The following CIRSR variants were observed in gnomAD, a reference collection of about 807,000 sequenced individuals.
CIRSR encodes the protein CBF1 (RBPJ) interacting corepressor 1.
the CIRSR span, among the ~76,000 whole-genome samples, chr2:174,366,908 A>C: frequency 2.0e-5 from 3 of 152,330 alleles, no homozygotes; most frequent in East Asian, 5.8e-4. Context: ...ACTGTGGCAT[A>C]CATACAAAAG....
At chr2:174,395,458 A>T in the CIRSR span, 1 of 1,246,078 alleles carries the variant, frequency 8.0e-7, no homozygotes, top group South Asian at 1.2e-5. Context: ...AGGCTGTCCT[A>T]GGGATCTCAG....
the CIRSR span, among the ~76,000 whole-genome samples, chr2:174,362,715 A>AAT: frequency 1.3e-5 from 1 of 78,544 alleles, no homozygotes; most frequent in Non-Finnish European, 3.3e-5. Context: ...AAAAAAAAAA[A>AAT]TCTTACATTT....
the CIRSR span, chr2:174,350,790 G>C: frequency 3.0e-6 from 4 of 1,339,086 alleles, no homozygotes; most frequent in Non-Finnish European, 4.2e-6. Context: ...TTCAACACAA[G>C]GTAGTTAGTA....
the CIRSR span, chr2:174,380,588 G>C: frequency 7.1e-7 from 1 of 1,400,608 alleles, no homozygotes; most frequent in South Asian, 1.2e-5. Context: ...AACATAAGAT[G>C]GGATATCAGT....
chr2:174,354,618 T>A, the CIRSR span, among the ~76,000 whole-genome samples: 56 of 71,216 alleles, frequency 7.9e-4, no homozygotes, highest in South Asian at 1.7e-3. Context: ...ATTATATATT[T>A]TATATATTAT....
the CIRSR span, among the ~76,000 whole-genome samples, chr2:174,392,090 C>T: frequency 3.3e-5 from 5 of 152,246 alleles, no homozygotes; most frequent in East Asian, 1.9e-4. Flanking sequence ...CTCCGCCTCC[C>T]GGGTTCATGC....
At chr2:174,360,174 G>A in the CIRSR span, among the ~76,000 whole-genome samples, 2 of 152,146 alleles carry the variant, frequency 1.3e-5, no homozygotes, top group African/African-American at 2.4e-5. Context: ...CAAACTGCAC[G>A]TTGTGCACAT....
chr2:174,360,918 G>A, the CIRSR span, among the ~76,000 whole-genome samples: 7 of 152,164 alleles, frequency 4.6e-5, no homozygotes, highest in African/African-American at 1.7e-4. Context: ...GACCTTTGAA[G>A]TACTATGACT....
the CIRSR span, among the ~76,000 whole-genome samples, chr2:174,369,803 A>G: frequency 1.3e-5 from 2 of 152,232 alleles, no homozygotes; most frequent in Non-Finnish European, 2.9e-5. Context: ...CTATAGGTGC[A>G]GTTTGCGGCA....
the CIRSR span, among the ~76,000 whole-genome samples, chr2:174,350,168 ACT>A: frequency 0.22 from 33,745 of 151,880 alleles, 5,147 homozygotes; most frequent in East Asian, 0.64. Context: ...CATTCTCAAA[ACT>A]CTACATACTG....
chr2:174,394,951 T>A, the CIRSR span, among the ~76,000 whole-genome samples: 4 of 152,222 alleles, frequency 2.6e-5, no homozygotes, highest in Admixed American at 6.5e-5. Context: ...AAATATTTTG[T>A]GCAAGGTCTT....
the CIRSR span, among the ~76,000 whole-genome samples, chr2:174,376,538 C>T: frequency 6.8e-6 from 1 of 147,654 alleles, no homozygotes; most frequent in Non-Finnish European, 1.5e-5. Flanking sequence ...TGGCTCACAT[C>T]TGTAATCCCA....
the CIRSR span, chr2:174,378,814 GC>G: frequency 1.2e-6 from 1 of 816,020 alleles, no homozygotes; most frequent in South Asian, 1.4e-5. Flanking sequence ...AAACAAACAA[GC>G]CCCACACACA....
At chr2:174,389,689 A>G in the CIRSR span, among the ~76,000 whole-genome samples, 1 of 152,244 alleles carries the variant, frequency 6.6e-6, no homozygotes, top group Non-Finnish European at 1.5e-5. Context: ...AGACCTTCAC[A>G]GCAGCCCCTC....
At chr2:174,388,525 G>T in the CIRSR span, among the ~76,000 whole-genome samples, 619 of 152,136 alleles carry the variant, frequency 4.1e-3, 6 homozygotes, top group African/African-American at 0.014. Context: ...TAGCAAGTTT[G>T]GGTTTTTTCA....
At chr2:174,348,491 T>A in the CIRSR span, 1 of 1,592,590 alleles carries the variant, frequency 6.3e-7, no homozygotes, top group Non-Finnish European at 8.5e-7. Context: ...CTTCTCTACT[T>A]CTGCTTCATT....
chr2:174,361,783 T>A, the CIRSR span, among the ~76,000 whole-genome samples: 1 of 152,222 alleles, frequency 6.6e-6, no homozygotes, highest in South Asian at 2.1e-4. Context: ...ATAGAAACAT[T>A]TGAGGCATTA....
chr2:174,354,590 TC>T, the CIRSR span, among the ~76,000 whole-genome samples: 331 of 16,388 alleles, frequency 0.02, 4 homozygotes, highest in African/African-American at 0.032. Context: ...ATTATATATA[TC>T]ATATAATATA....
the CIRSR span, among the ~76,000 whole-genome samples, chr2:174,359,456 G>A: frequency 6.6e-6 from 1 of 152,030 alleles, no homozygotes; most frequent in South Asian, 2.1e-4. Flanking sequence ...CCTCTGCATA[G>A]GGAATTCAAA....
Sources: allele counts gnomAD v4.1 joint callset (sites outside exome capture counted in the v4.1 genomes callset), GRCh38; gene constraint gnomAD v4.1.1; transcripts MANE v1.5; gene names NCBI Gene and HGNC (gene_info 2026-07-23, HGNC 2026-07-21).